ATP2C2: variants seen among roughly 807,000 people sequenced by gnomAD.
ATP2C2 encodes calcium-transporting ATPase type 2C member 2.
Under a neutral mutation model 110.8 loss-of-function variants are expected in ATP2C2, and 171 were observed. That is an observed-to-expected ratio of 1.54 (90% CI 1.36 to 1.75). ATP2C2 has a LOEUF of 1.75. ATP2C2 is among the 40% of genes most tolerant of loss of function. ATP2C2 has a pLI of 0.00. For synonymous variants in ATP2C2, 804 were observed against 508.4 expected, an observed-to-expected ratio of 1.58 and a Z score of -7.82; for missense variants, 1,963 against 1,235.0, an observed-to-expected ratio of 1.59 and a Z score of -8.84.
chr16:84,414,343 C>T (rs1288779132), intron 6 of ATP2C2, among the ~76,000 whole-genome samples: 5 of 152,198 alleles, frequency 3.3e-5, no homozygotes, highest in African/African-American at 9.7e-5. Flanking sequence ...CACCTCCTTA[C>T]CCTGCCACCT....
chr16:84,436,944 G>T (rs7190534), intron 11 of ATP2C2, among the ~76,000 whole-genome samples: 24,891 of 151,462 alleles, frequency 0.16, 2,441 homozygotes, highest in East Asian at 0.51. Flanking sequence ...GTATTTTTAG[G>T]AGAGACGGGG....
At chr16:84,462,298 C>T (rs191742147) in intron 26 of ATP2C2, 169 bp downstream of exon 26, 16 of 848,046 alleles carry the variant, frequency 1.9e-5, no homozygotes, top group South Asian at 1.1e-4. Context: ...GGGACTCTAA[C>T]GTGGGTGATG....
chr16:84,400,329 G>GTT lies in ATP2C2; in HGVS notation c.210+1721_210+1722dup, dbSNP rs112134569. Among the ~76,000 whole-genome samples the GTT allele has an allele frequency of 6.2e-4, 85 of 136,384 alleles. 1 individual carries two copies. The highest frequency in any genetic ancestry group is 1.6e-3 in the African/African-American group (58 of 36,502). 89.5% of individuals were successfully genotyped at this position (136,384 alleles called of 152,430 possible). A position where few individuals can be genotyped will look rare whatever the true frequency, so the allele number is the denominator to read the frequency against. ...ATAATAGTTGTATTTTTAGTTTTTTGTTGTTTTTTTTTTTTGAGATGGAGT... is the reference window on the plus strand; with the variant it reads ...ATAATAGTTGTATTTTTAGTTTTTTGTTTTGTTTTTTTTTTTTGAGATGGAGT... On this transcript the variant is annotated intron_variant, in intron 2 of 26. Coordinates refer to ENST00000262429, the MANE Select transcript of ATP2C2 (RefSeq NM_014861.4).
intron 6 of ATP2C2, among the ~76,000 whole-genome samples, chr16:84,413,324 C>T (rs958210000): frequency 6.6e-6 from 1 of 152,112 alleles, no homozygotes; most frequent in Non-Finnish European, 1.5e-5. Context: ...GGTCCCGCGT[C>T]TCAAAGAGTC....
intron 11 of ATP2C2, among the ~76,000 whole-genome samples, chr16:84,432,794 T>G (rs564549154): frequency 6.6e-6 from 1 of 152,120 alleles, no homozygotes; most frequent in African/African-American, 2.4e-5. Context: ...GTGCTGGGAT[T>G]ACAGGTGTGA....
intron 11 of ATP2C2, among the ~76,000 whole-genome samples, chr16:84,431,812 C>A (rs1239194223): frequency 2.0e-5 from 3 of 152,116 alleles, no homozygotes; most frequent in African/African-American, 4.8e-5. Context: ...ACTTTGGAAG[C>A]AGAGAGATGA....
At chr16:84,412,152 T>C (rs546697865) in intron 6 of ATP2C2, among the ~76,000 whole-genome samples, 1 of 152,284 alleles carries the variant, frequency 6.6e-6, no homozygotes, top group African/African-American at 2.4e-5. Context: ...TAGCTGGGAA[T>C]ACAGGTGCAT....
chr16:84,401,819 T>C (rs747046640), intron 2 of ATP2C2, among the ~76,000 whole-genome samples: 1 of 152,218 alleles, frequency 6.6e-6, no homozygotes, highest in Non-Finnish European at 1.5e-5. Context: ...TCTGGGTCTT[T>C]TGTGGTTCCA....
intron 7 of ATP2C2, among the ~76,000 whole-genome samples, chr16:84,421,726 C>A (rs1223420006): frequency 6.6e-6 from 1 of 152,172 alleles, no homozygotes; most frequent in East Asian, 1.9e-4. Flanking sequence ...TGTTTTGCCA[C>A]TAACTAGCTA....
At chr16:84,421,437 A>C (rs1907329442) in intron 7 of ATP2C2, among the ~76,000 whole-genome samples, 3 of 152,196 alleles carry the variant, frequency 2.0e-5, no homozygotes, top group Non-Finnish European at 4.4e-5. Context: ...ATTATAGAGA[A>C]GTCGCAGGTC....
chr16:84,396,119 C>A (rs983325242), intron 1 of ATP2C2, among the ~76,000 whole-genome samples: 1 of 152,084 alleles, frequency 6.6e-6, no homozygotes, highest in Non-Finnish European at 1.5e-5. Flanking sequence ...CTTCAAGGTT[C>A]ATCCATGTTG....
In ATP2C2 at chr16:84,448,778, G is replaced by A. The variant is rs1179348746; in HGVS notation, c.1660+89G>A. 4 of 1,507,842 alleles carry A rather than the reference G, an allele frequency of 2.7e-6. No homozygotes were observed. The African/African-American group carries it at 4.2e-5, about 16-fold the overall frequency. 93.4% of individuals were successfully genotyped at this position (1,507,842 alleles called of 1,614,324 possible). On this transcript the variant is annotated intron_variant, in intron 17 of 26. Transcript: ENST00000262429. ...TTCAAGCAGGGTCCCTAGTCAAGGAGGTCACCCGTCCCAAGGAGTCAGGCA... is the reference window on the plus strand; with the variant it reads ...TTCAAGCAGGGTCCCTAGTCAAGGAAGTCACCCGTCCCAAGGAGTCAGGCA...
chr16:84,441,147 G>C (rs1288900687), intron 14 of ATP2C2, among the ~76,000 whole-genome samples, 189 bp downstream of exon 14: 2 of 152,204 alleles, frequency 1.3e-5, no homozygotes, highest in African/African-American at 4.8e-5. Context: ...TAAGACGACA[G>C]CTAGGCTGGG....
intron 7 of ATP2C2, among the ~76,000 whole-genome samples, chr16:84,419,720 C>G (rs1048408389): frequency 1.3e-5 from 2 of 152,150 alleles, no homozygotes; most frequent in African/African-American, 2.4e-5. Context: ...GCACCTACTA[C>G]GTATGAGGCC....
At chr16:84,416,930 CA>C (rs1225823393) in intron 7 of ATP2C2, among the ~76,000 whole-genome samples, 1 of 150,946 alleles carries the variant, frequency 6.6e-6, no homozygotes, top group Non-Finnish European at 1.5e-5. Flanking sequence ...GGGGTCCTAA[CA>C]GGGGATGCTC....
At chr16:84,402,608 A>G (rs1905404523) in intron 2 of ATP2C2, among the ~76,000 whole-genome samples, 1 of 152,172 alleles carries the variant, frequency 6.6e-6, no homozygotes, top group Non-Finnish European at 1.5e-5. Context: ...TAATTTGTGT[A>G]TGGTGAACCA....
intron 6 of ATP2C2, among the ~76,000 whole-genome samples, chr16:84,413,166 C>T (rs577873576): frequency 3.4e-4 from 51 of 151,842 alleles, no homozygotes; most frequent in African/African-American, 1.1e-3. Context: ...CCCTCTGAGT[C>T]TCCAAGACCC....
chr16:84,387,166 T>A lies in ATP2C2; in HGVS notation c.100-11333T>A, dbSNP rs1003475491. On this transcript the variant is annotated intron_variant, in intron 1 of 26. Transcript: ENST00000262429. ...AGACTGAGTTCCACTTCTGAGCACA[T>A]TTGGGCACTCGTATCTCCTGGAGGG... Among the ~76,000 whole-genome samples the A allele has an allele frequency of 4.6e-5, 7 of 152,246 alleles. No homozygotes were observed. The South Asian group carries it at 1.0e-3, about 23-fold the overall frequency.
rs528757710 is a variant in ATP2C2 at position 84,448,768 on chromosome 16, T to G, written c.1660+79T>G. 17 of 1,523,496 alleles carry G rather than the reference T, an allele frequency of 1.1e-5. No individual in the cohort carries two copies. In the African/African-American group the frequency reaches 2.4e-4, roughly 21 times the overall value. The allele number at this position is 1,523,496 out of a possible 1,614,324, so 94.4% of individuals were successfully genotyped here. A position where few individuals can be genotyped will look rare whatever the true frequency, so the allele number is the denominator to read the frequency against. ...TTTAAGTGCATTCAAGCAGGGTCCCTAGTCAAGGAGGTCACCCGTCCCAAG... is the reference window on the plus strand; with the variant it reads ...TTTAAGTGCATTCAAGCAGGGTCCCGAGTCAAGGAGGTCACCCGTCCCAAG... On this transcript the variant is annotated intron_variant, in intron 17 of 26. Transcript: ENST00000262429.
Sources: gnomAD v4.1 joint callset for allele counts (sites outside exome capture counted in the v4.1 genomes callset) on GRCh38, gnomAD v4.1.1 for gene constraint, MANE v1.5 for transcripts, NCBI Gene and HGNC (gene_info 2026-07-23, HGNC 2026-07-21) for gene names.